GRIA2: variants seen among roughly 807,000 people sequenced by gnomAD.
The protein encoded by GRIA2 is glutamate ionotropic receptor AMPA type subunit 2.
Under a neutral mutation model 97.3 loss-of-function variants are expected in GRIA2, and 14 were observed. That is an observed-to-expected ratio of 0.14 (90% CI 0.10 to 0.23). The LOEUF (loss-of-function observed/expected upper bound fraction) is 0.23, where lower values mean the gene tolerates loss of function less well. Among genes scored for constraint, GRIA2 ranks in the 10% least tolerant of loss-of-function variants. GRIA2 has a pLI of 1.00. For synonymous variants in GRIA2, 412 were observed against 387.8 expected (o/e 1.06, Z -0.73); for missense variants, 558 against 1,069.8 (o/e 0.52, Z 6.67).
chr4:157,301,476 G>T (rs1733611758), intron 2 of GRIA2, among the ~76,000 whole-genome samples: 1 of 152,116 alleles, frequency 6.6e-6, no homozygotes, highest in Non-Finnish European at 1.5e-5. Context: ...GTAGAAGATT[G>T]GTAATAAAGG....
intron 2 of GRIA2, among the ~76,000 whole-genome samples, chr4:157,279,104 G>A (rs904954675): frequency 3.9e-5 from 6 of 151,956 alleles, no homozygotes; most frequent in Non-Finnish European, 5.9e-5. Flanking sequence ...CATGCTCCTT[G>A]GTATTTATCC....
At position 157,355,907 on chromosome 4, in the gene GRIA2, A is replaced by ATATATTAATATATTTATATATATT. The variant is rs1560781043; in HGVS notation, c.2044-3984_2044-3983insTAATATATTTATATATATTTATAT. Among the ~76,000 whole-genome samples the ATATATTAATATATTTATATATATT allele has an allele frequency of 4.3e-4, 27 of 62,566 alleles. 1 individual carries two copies. Among genetic ancestry groups the ATATATTAATATATTTATATATATT allele is most frequent in the South Asian group, 3.0e-3 (3 of 992 alleles). 41.0% of individuals were successfully genotyped at this position (62,566 alleles called of 152,430 possible). A position where few individuals can be genotyped will look rare whatever the true frequency, so the allele number is the denominator to read the frequency against. Reference sequence around the variant, plus strand: ...TATTAATATATTTATATATAAATATATATATATTAATATATTTATATATAT... The same window carrying ATATATTAATATATTTATATATATT: ...TATTAATATATTTATATATAAATATATATATTAATATATTTATATATATTTATATATTAATATATTTATATATAT... On this transcript the variant is annotated intron_variant, in intron 12 of 15. Coordinates refer to ENST00000264426, the MANE Select transcript of GRIA2 (RefSeq NM_001083619.3).
rs78317313 is a variant in GRIA2 at position 157,305,689 on chromosome 4, G to A, written c.469+1898G>A. ...ATTCTTACTCCTCCTTGAGAACTGGGTTCATATATCATTTCCTCAGAGATG... is the reference window on the plus strand; with the variant it reads ...ATTCTTACTCCTCCTTGAGAACTGGATTCATATATCATTTCCTCAGAGATG... On this transcript the variant is annotated intron_variant, in intron 3 of 15. Transcript: ENST00000264426. Among the ~76,000 whole-genome samples the A allele has an allele frequency of 2.7e-3, 403 of 151,992 alleles. 4 individuals are homozygous for A. Among genetic ancestry groups the A allele is most frequent in the African/African-American group, 9.2e-3 (380 of 41,444 alleles).
chr4:157,359,738 A>G lies in GRIA2; in HGVS notation c.2044-158A>G, dbSNP rs563552693. Among the ~76,000 whole-genome samples the G allele has an allele frequency of 6.6e-4, 100 of 152,244 alleles. No individual in the cohort carries two copies. In the Middle Eastern group the frequency reaches 0.02, roughly 31 times the overall value. On this transcript the variant is annotated intron_variant, in intron 12 of 15. Coordinates refer to ENST00000264426, the MANE Select transcript of GRIA2 (RefSeq NM_001083619.3). ...AATGATTTGGCATAATAACAATTTC[A>G]TAGAATTGTTATTAGTGAAAAAAAT... is the stretch of plus-strand genomic sequence containing the variant.
chr4:157,260,319 A>T (rs1348331854), intron 2 of GRIA2, among the ~76,000 whole-genome samples: 1 of 152,056 alleles, frequency 6.6e-6, no homozygotes, highest in African/African-American at 2.4e-5. Flanking sequence ...ACCCCATATA[A>T]CTGTGGCTTA....
chr4:157,308,130 C>T (rs1416912043), intron 3 of GRIA2, among the ~76,000 whole-genome samples: 1 of 152,188 alleles, frequency 6.6e-6, no homozygotes, highest in Non-Finnish European at 1.5e-5. Context: ...CAGACTTCCC[C>T]TGTGTACCGG....
chr4:157,294,541 TAAAG>T (rs1168033683), intron 2 of GRIA2, among the ~76,000 whole-genome samples: 1 of 151,956 alleles, frequency 6.6e-6, no homozygotes, highest in Admixed American at 6.6e-5. Context: ...GGAAGAAATA[TAAAG>T]AAAGAAAAAG....
At chr4:157,319,543 T>G (rs1239894945) in intron 5 of GRIA2, among the ~76,000 whole-genome samples, 1 of 152,206 alleles carries the variant, frequency 6.6e-6, no homozygotes, top group Non-Finnish European at 1.5e-5. Flanking sequence ...ATGGAACTTC[T>G]AGTGAATCAA....
intron 13 of GRIA2, 79 bp from the exon 14 acceptor site, chr4:157,360,931 A>T (rs1736605301): frequency 1.9e-6 from 2 of 1,078,860 alleles, no homozygotes; most frequent in Non-Finnish European, 2.8e-6. Flanking sequence ...GAAGCCAAAG[A>T]AAAACAAATT....
chr4:157,290,790 C>A (rs1733063143), intron 2 of GRIA2, among the ~76,000 whole-genome samples: 1 of 151,554 alleles, frequency 6.6e-6, no homozygotes, highest in African/African-American at 2.4e-5. Flanking sequence ...TTTATGATAT[C>A]ATCTCTTAAG....
At chr4:157,257,569 A>G (rs182269042) in intron 2 of GRIA2, among the ~76,000 whole-genome samples, 204 of 152,278 alleles carry the variant, frequency 1.3e-3, no homozygotes, top group African/African-American at 4.7e-3. Flanking sequence ...TGATTTCAAA[A>G]GTATCATTCA....
At chr4:157,250,719 AT>A (rs1730982803) in intron 2 of GRIA2, among the ~76,000 whole-genome samples, 1 of 152,290 alleles carries the variant, frequency 6.6e-6, no homozygotes, top group East Asian at 1.9e-4. Context: ...CTTGGTAAAA[AT>A]AACAAATCAG....
At chr4:157,342,076 C>T in intron 12 of GRIA2, 12 of 960,968 alleles carry the variant, frequency 1.2e-5, no homozygotes, top group Non-Finnish European at 1.5e-5. Context: ...GCCCAAGGAC[C>T]TGATGTTGGC....
chr4:157,277,256 T>C (rs904057876), intron 2 of GRIA2, among the ~76,000 whole-genome samples: 1 of 151,902 alleles, frequency 6.6e-6, no homozygotes, highest in Non-Finnish European at 1.5e-5. Flanking sequence ...TAATGTAATC[T>C]ATCACATCAA....
At chr4:157,321,168 A>G (rs148779880) in intron 5 of GRIA2, among the ~76,000 whole-genome samples, 56 of 152,262 alleles carry the variant, frequency 3.7e-4, no homozygotes, top group African/African-American at 1.2e-3. Context: ...TAGAGTGGAG[A>G]ACATTTATGT....
chr4:157,243,891 A>G (rs186086024), intron 2 of GRIA2, among the ~76,000 whole-genome samples: 7 of 152,080 alleles, frequency 4.6e-5, no homozygotes, highest in East Asian at 1.9e-4. Flanking sequence ...ACGCTCATGG[A>G]GCCTATGTTA....
intron 2 of GRIA2, among the ~76,000 whole-genome samples, chr4:157,285,594 T>C (rs1001819114): frequency 1.1e-4 from 17 of 150,788 alleles, no homozygotes; most frequent in Non-Finnish European, 3.0e-5. Context: ...TAAGGCTTTT[T>C]TCCTTATGGT....
chr4:157,333,454 A>G, intron 8 of GRIA2, 101 bp downstream of exon 8: 1 of 529,222 alleles, frequency 1.9e-6, no homozygotes, highest in Admixed American at 3.6e-5. Flanking sequence ...GTATTCACAT[A>G]GAGTTTAACG....
At chr4:157,358,128 G>T (rs948800503) in intron 12 of GRIA2, among the ~76,000 whole-genome samples, 1 of 152,066 alleles carries the variant, frequency 6.6e-6, no homozygotes, top group Admixed American at 6.6e-5. Flanking sequence ...AAACTTTGAG[G>T]TTTAGCCAGA....
Sources: gnomAD v4.1 joint callset for allele counts (sites outside exome capture counted in the v4.1 genomes callset) on GRCh38, gnomAD v4.1.1 for gene constraint, MANE v1.5 for transcripts, NCBI Gene and HGNC (gene_info 2026-07-23, HGNC 2026-07-21) for gene names.